ST6GALNAC5: variants seen among roughly 807,000 people sequenced by gnomAD.
ST6GALNAC5 encodes the protein alpha-N-acetylgalactosaminide alpha-2,6-sialyltransferase 5.
A neutral mutation model predicts 33.6 loss-of-function variants in ST6GALNAC5; 27 were observed. That is an observed-to-expected ratio of 0.80 (90% CI 0.59 to 1.11). The LOEUF is 1.11. Among genes scored for constraint, ST6GALNAC5 ranks in the 50% least tolerant of loss-of-function variants. The pLI is 0.00. For synonymous variants in ST6GALNAC5, 194 were observed against 171.2 expected (o/e 1.13, Z -1.04); for missense variants, 428 against 454.0 (o/e 0.94, Z 0.52).
At chr1:76,986,102 G>A (rs1374520588) in intron 2 of ST6GALNAC5, among the ~76,000 whole-genome samples, 1 of 152,142 alleles carries the variant, frequency 6.6e-6, no homozygotes, top group Non-Finnish European at 1.5e-5. Flanking sequence ...CATGGGCAAG[G>A]ACTTCATGAC....
chr1:77,035,729 T>C (rs1651623025), intron 2 of ST6GALNAC5, among the ~76,000 whole-genome samples: 1 of 152,182 alleles, frequency 6.6e-6, no homozygotes. Flanking sequence ...GAGGTACTTC[T>C]TTTCACCCAT....
At chr1:77,019,815 A>T (rs768222177) in intron 2 of ST6GALNAC5, among the ~76,000 whole-genome samples, 9 of 152,222 alleles carry the variant, frequency 5.9e-5, no homozygotes, top group African/African-American at 2.2e-4. Flanking sequence ...TCACATTTAA[A>T]TACTGATGTT....
chr1:77,024,987 C>G (rs536043400), intron 2 of ST6GALNAC5, among the ~76,000 whole-genome samples: 3 of 152,156 alleles, frequency 2.0e-5, no homozygotes, highest in Non-Finnish European at 4.4e-5. Flanking sequence ...ATCCTTCCCC[C>G]GCTCCAGGCT....
chr1:76,941,673 C>T (rs112645347), intron 2 of ST6GALNAC5, among the ~76,000 whole-genome samples: 42 of 152,120 alleles, frequency 2.8e-4, no homozygotes, highest in African/African-American at 9.6e-4. Context: ...CATGGGAAGA[C>T]GGAGGCAGAG....
At chr1:77,043,175 A>C (rs1651889652) in intron 2 of ST6GALNAC5, among the ~76,000 whole-genome samples, 2 of 152,234 alleles carry the variant, frequency 1.3e-5, no homozygotes, top group Non-Finnish European at 1.5e-5. Context: ...ACAATGCAAC[A>C]TCCCTTCAGA....
intron 2 of ST6GALNAC5, among the ~76,000 whole-genome samples, chr1:76,967,982 G>T (rs1206022860): frequency 6.6e-6 from 1 of 152,168 alleles, no homozygotes; most frequent in Non-Finnish European, 1.5e-5. Flanking sequence ...TACATTTGCT[G>T]AGGAGTGCTT....
At chr1:76,936,304 A>G (rs1018325624) in intron 2 of ST6GALNAC5, among the ~76,000 whole-genome samples, 3 of 152,048 alleles carry the variant, frequency 2.0e-5, no homozygotes, top group African/African-American at 7.2e-5. Context: ...TTTCATGTGT[A>G]CTATAACTAG....
chr1:77,026,436 A>T (rs926461567), intron 2 of ST6GALNAC5, among the ~76,000 whole-genome samples: 1 of 152,160 alleles, frequency 6.6e-6, no homozygotes, highest in African/African-American at 2.4e-5. Flanking sequence ...CTTTGTGTGG[A>T]GCTGGGACTG....
At position 77,063,293 on chromosome 1, in the gene ST6GALNAC5, G is replaced by T. The variant is rs1305536100; in HGVS notation, c.*87G>T. 2.4e-6 allele frequency: 3 copies of T among 1,266,736 alleles called. No homozygotes were observed. Among genetic ancestry groups the T allele is most frequent in the Non-Finnish European group, 3.4e-6 (3 of 894,176 alleles). 78.5% of individuals were successfully genotyped at this position (1,266,736 alleles called of 1,614,324 possible). On this transcript the variant is annotated 3_prime_UTR_variant, in exon 5 of 5. Coordinates refer to ENST00000477717, the MANE Select transcript of ST6GALNAC5 (RefSeq NM_030965.3). ...CTTCCTGAGCCACCAGACAGGAAAGGGTAGCAGAAAACAGCTTCACTCCTC... is the reference window on the plus strand; with the variant it reads ...CTTCCTGAGCCACCAGACAGGAAAGTGTAGCAGAAAACAGCTTCACTCCTC...
chr1:76,903,896 T>C (rs954903377), intron 2 of ST6GALNAC5, among the ~76,000 whole-genome samples: 2 of 152,132 alleles, frequency 1.3e-5, no homozygotes, highest in African/African-American at 2.4e-5. Flanking sequence ...AGATTAGTGA[T>C]TGCTCAGGGC....
chr1:77,055,946 G>C (rs1652383841), intron 4 of ST6GALNAC5, among the ~76,000 whole-genome samples: 1 of 152,172 alleles, frequency 6.6e-6, no homozygotes, highest in South Asian at 2.1e-4. Context: ...CGTTATTATT[G>C]CAAGACCAAA....
In ST6GALNAC5 at chr1:77,062,905, T is replaced by C. The variant is rs1034912993; in HGVS notation, c.780-70T>C. 4.8e-5 allele frequency: 53 copies of C among 1,098,924 alleles called. No individual in the cohort carries two copies. In the African/African-American group the frequency reaches 8.1e-4, roughly 17 times the overall value. 68.1% of individuals were successfully genotyped at this position (1,098,924 alleles called of 1,614,324 possible). A position where few individuals can be genotyped will look rare whatever the true frequency, so the allele number is the denominator to read the frequency against. On this transcript the variant is annotated intron_variant, in intron 4 of 4. Transcript: ENST00000477717. ...TTTTATCAGCTTATTAAAGATAACA[T>C]CTTACCTCAATCAGTCAAAGGAAAA... is the stretch of plus-strand genomic sequence containing the variant.
intron 2 of ST6GALNAC5, among the ~76,000 whole-genome samples, chr1:77,037,437 A>G (rs1045165741): frequency 6.6e-6 from 1 of 152,168 alleles, no homozygotes; most frequent in Non-Finnish European, 1.5e-5. Flanking sequence ...TGAAAAAACT[A>G]TTGAGTACTA....
chr1:76,905,411 T>A (rs1353902877), intron 2 of ST6GALNAC5, among the ~76,000 whole-genome samples: 1 of 152,130 alleles, frequency 6.6e-6, no homozygotes, highest in Non-Finnish European at 1.5e-5. Flanking sequence ...GCTGCATGGG[T>A]CAGGCTGTGA....
chr1:76,885,827 T>C (rs1227481400), intron 2 of ST6GALNAC5, among the ~76,000 whole-genome samples: 2 of 152,218 alleles, frequency 1.3e-5, no homozygotes, highest in Non-Finnish European at 2.9e-5. Context: ...AGACACAGAA[T>C]GTGTTCAGGC....
chr1:76,883,793 T>C lies in ST6GALNAC5; in HGVS notation c.261+15051T>C, dbSNP rs138404995. On this transcript the variant is annotated intron_variant, in intron 2 of 4. Coordinates refer to ENST00000477717, the MANE Select transcript of ST6GALNAC5 (RefSeq NM_030965.3). ...CATTTATTAAATAATATTGTGTTTC[T>C]ACCATATGCCTAGCATTGTGTTCAG... Among the ~76,000 whole-genome samples the C allele has an allele frequency of 1.8e-3, 270 of 152,328 alleles. 1 individual carries two copies. Among genetic ancestry groups the C allele is most frequent in the African/African-American group, 6.0e-3 (251 of 41,574 alleles).
chr1:76,934,075 G>C (rs1766284), intron 2 of ST6GALNAC5, among the ~76,000 whole-genome samples: 89,474 of 151,856 alleles, frequency 0.59, 26,675 homozygotes, highest in African/African-American at 0.64. Context: ...TACATTTAGA[G>C]TCTGGGAAAT....
At chr1:77,037,177 G>T (rs1201754065) in intron 2 of ST6GALNAC5, among the ~76,000 whole-genome samples, 1 of 152,156 alleles carries the variant, frequency 6.6e-6, no homozygotes, top group Non-Finnish European at 1.5e-5. Context: ...ATGACACAGA[G>T]CTCAGTTTAA....
At chr1:76,944,245 T>C (rs1315768525) in intron 2 of ST6GALNAC5, among the ~76,000 whole-genome samples, 2 of 152,132 alleles carry the variant, frequency 1.3e-5, no homozygotes, top group Non-Finnish European at 2.9e-5. Context: ...CTTTTTATTA[T>C]TTTAAAGAGA....
Sources: gnomAD v4.1 joint callset for allele counts (sites outside exome capture counted in the v4.1 genomes callset) on GRCh38, gnomAD v4.1.1 for gene constraint, MANE v1.5 for transcripts, NCBI Gene and HGNC (gene_info 2026-07-23, HGNC 2026-07-21) for gene names.